CNTFR: variants seen among roughly 807,000 people sequenced by gnomAD.
The protein encoded by CNTFR is ciliary neurotrophic factor receptor.
CNTFR carries 12 observed loss-of-function variants against 40.4 expected under a neutral mutation model. That is an observed-to-expected ratio of 0.30 (90% CI 0.19 to 0.48). The LOEUF is 0.48. Among genes scored for constraint, CNTFR ranks in the 20% least tolerant of loss-of-function variants. The pLI, the probability that CNTFR is intolerant of heterozygous loss-of-function variation, is 0.99. For missense variants in CNTFR, 414 were observed against 506.8 expected (o/e 0.82, Z 1.76); for synonymous variants, 202 against 209.6 (o/e 0.96, Z 0.31).
chr9:34,559,807 C>T (rs1000740288), intron 4 of CNTFR, among the ~76,000 whole-genome samples: 3 of 152,174 alleles, frequency 2.0e-5, no homozygotes, highest in Admixed American at 1.3e-4. Context: ...CCTGCTGCCC[C>T]GGACTCCTCG....
At chr9:34,568,753 A>T (rs556090080) in intron 3 of CNTFR, 144 bp downstream of exon 3, 2 of 711,124 alleles carry the variant, frequency 2.8e-6, no homozygotes, top group South Asian at 3.4e-5. Context: ...TATCAGTGTC[A>T]CATGACTCCA....
chr9:34,562,833 C>T lies in CNTFR; in HGVS notation c.319+1766G>A, dbSNP rs73486519. 5.0e-3 allele frequency among the ~76,000 whole-genome samples: 767 copies of T among 152,214 alleles called. 7 individuals carry two copies. The highest frequency in any genetic ancestry group is 0.018 in the African/African-American group (731 of 41,528). Reference sequence around the variant, plus strand: ...ACCTCACCCTCAGCAATGGTGATGGCCTTGTCATTCTGACTTCTCAAAATC... The same window carrying T: ...ACCTCACCCTCAGCAATGGTGATGGTCTTGTCATTCTGACTTCTCAAAATC... On this transcript the variant is annotated intron_variant, in intron 4 of 9. Coordinates refer to ENST00000378980, the MANE Select transcript of CNTFR (RefSeq NM_147164.3).
chr9:34,555,951 A>ATCTCCCTCCCCCG (rs1825818722), intron 7 of CNTFR, among the ~76,000 whole-genome samples: 1 of 23,194 alleles, frequency 4.3e-5, no homozygotes, highest in African/African-American at 1.8e-4. Context: ...TCCCTCCCCC[A>ATCTCCCTCCCCCG]CCATCTCCCT....
chr9:34,581,514 A>G (rs1395556490), intron 1 of CNTFR, among the ~76,000 whole-genome samples: 1 of 152,232 alleles, frequency 6.6e-6, no homozygotes, highest in African/African-American at 2.4e-5. Context: ...AGGCACCTCC[A>G]TATCACATGC....
chr9:34,554,223 G>T (rs1051565408), intron 7 of CNTFR, among the ~76,000 whole-genome samples: 1 of 152,120 alleles, frequency 6.6e-6, no homozygotes, highest in Admixed American at 6.5e-5. Context: ...CTTTCTGCTC[G>T]GCAAAGATAC....
chr9:34,567,456 G>A lies in CNTFR; in HGVS notation c.85+1441C>T, dbSNP rs143236680. ...ACCCCTAAAGAAGAAGGACATGCAG[G>A]ACAGTCATCCACAAGGCCACAGTCA... is the stretch of plus-strand genomic sequence containing the variant. On this transcript the variant is annotated intron_variant, in intron 3 of 9. Coordinates refer to ENST00000378980, the MANE Select transcript of CNTFR (RefSeq NM_147164.3). 2.9e-3 allele frequency among the ~76,000 whole-genome samples: 441 copies of A among 152,180 alleles called. 1 individual carries two copies. The highest frequency in any genetic ancestry group is 4.3e-3 in the Non-Finnish European group (291 of 68,016).
chr9:34,557,721 T>TA lies in CNTFR; in HGVS notation c.438-30dup, dbSNP rs929341175. 6.2e-6 allele frequency: 10 copies of TA among 1,613,556 alleles called. No homozygotes were observed. The African/African-American group carries it at 1.2e-4, about 19-fold the overall frequency. Reference sequence around the variant, plus strand: ...GGGAGAGGTGAGACCCAGGCACTGTTACGAACATCAAGGGTCAGGTGGGGC... The same window carrying TA: ...GGGAGAGGTGAGACCCAGGCACTGTTAACGAACATCAAGGGTCAGGTGGGGC... On this transcript the variant is annotated intron_variant, in intron 5 of 9. Transcript: ENST00000378980. This position sits in a 1 kb window ranked among gnomAD's most constrained non-coding sequence, Gnocchi z 4.2.
chr9:34,572,826 G>A (rs994456943), intron 2 of CNTFR, among the ~76,000 whole-genome samples: 5 of 152,150 alleles, frequency 3.3e-5, no homozygotes, highest in African/African-American at 9.7e-5. Context: ...ACCAACAAAC[G>A]GGGCAATGAT....
At chr9:34,556,937 C>A (rs558703566) in intron 6 of CNTFR, among the ~76,000 whole-genome samples, 1 of 152,118 alleles carries the variant, frequency 6.6e-6, no homozygotes, top group Non-Finnish European at 1.5e-5. Flanking sequence ...CTGATGAGCG[C>A]GCCTAAGGGC....
chr9:34,555,292 T>C (rs1825790229), intron 7 of CNTFR, among the ~76,000 whole-genome samples: 1 of 152,088 alleles, frequency 6.6e-6, no homozygotes, highest in African/African-American at 2.4e-5. Flanking sequence ...GGAATCGAAT[T>C]ACACACTTTA....
chr9:34,566,737 T>C (rs181999363), intron 3 of CNTFR, among the ~76,000 whole-genome samples: 189 of 152,240 alleles, frequency 1.2e-3, no homozygotes, highest in African/African-American at 4.4e-3. Flanking sequence ...AACGCTAACG[T>C]GGACCCAGTG....
intron 7 of CNTFR, among the ~76,000 whole-genome samples, chr9:34,553,385 C>T (rs1825713247): frequency 6.6e-6 from 1 of 152,180 alleles, no homozygotes; most frequent in Non-Finnish European, 1.5e-5. Context: ...CATCCTCATG[C>T]CTTGCCATCC....
rs781109774 is a variant in CNTFR, at chr9:34,552,806, C to T, written c.817G>A (p.Gly273Arg). Reference sequence around the variant, plus strand: ...GCCACCTGGATAATGTACTCCTTCCCGGCGTAGGCATCTGTGATGGTGTGT... The same window carrying T: ...GCCACCTGGATAATGTACTCCTTCCTGGCGTAGGCATCTGTGATGGTGTGT... The part of the protein sequence containing the change: ...TAHTITDAYA[G>R]KEYIIQVAAK... Residue 273 changes from glycine to arginine, a missense_variant, in exon 8 of 10, where the codon GGG (glycine) becomes AGG (arginine). Physicochemically the swap from Gly to Arg is moderately radical, Grantham distance 125. Around this residue, in one of 3 missense-constraint regions of CNTFR, gnomAD observed 83 missense variants for 145.0 expected, o/e 0.57. Transcript: ENST00000378980. This position sits in a 1 kb window ranked among gnomAD's most constrained non-coding sequence, Gnocchi z 5.1. 19 of 1,613,512 alleles carry T rather than the reference C, an allele frequency of 1.2e-5. No individual in the cohort carries two copies. In the South Asian group the frequency reaches 1.2e-4, roughly 10 times the overall value.
Position 34,552,945 on chromosome 9 carries a change from G to A in CNTFR, c.769-91C>T. On this transcript the variant is annotated intron_variant, in intron 7 of 9. Coordinates refer to ENST00000378980, the MANE Select transcript of CNTFR (RefSeq NM_147164.3). This position sits in a 1 kb window ranked among gnomAD's most constrained non-coding sequence, Gnocchi z 5.1. ...GAGGAAGTGAGCATGCCTCTGAGGA[G>A]AGGAGAGTAAAGGGCTCTGGGGGCA... 2 of 1,323,878 alleles carry A rather than the reference G, an allele frequency of 1.5e-6. No individual in the cohort carries two copies. The highest frequency in any genetic ancestry group is 1.3e-5 in the South Asian group (1 of 79,620). The allele number at this position is 1,323,878 out of a possible 1,614,324, so 82.0% of individuals were successfully genotyped here. A position where few individuals can be genotyped will look rare whatever the true frequency, so the allele number is the denominator to read the frequency against.
At chr9:34,566,498 G>A (rs915545152) in intron 3 of CNTFR, among the ~76,000 whole-genome samples, 2 of 152,084 alleles carry the variant, frequency 1.3e-5, no homozygotes, top group African/African-American at 4.8e-5. Flanking sequence ...CAAGACTCCG[G>A]CCACTGAGCG....
chr9:34,590,537 C>T (rs1827733576), upstream of CNTFR, among the ~76,000 whole-genome samples: 1 of 152,240 alleles, frequency 6.6e-6, no homozygotes, highest in African/African-American at 2.4e-5. Context: ...GGGGATGGAC[C>T]CTGCCGGGAG....
At chr9:34,566,379 C>T (rs1826293096) in intron 3 of CNTFR, among the ~76,000 whole-genome samples, 2 of 152,188 alleles carry the variant, frequency 1.3e-5, no homozygotes, top group Admixed American at 6.5e-5. Flanking sequence ...ACCAGCCGAA[C>T]AGACGATGAA....
intron 2 of CNTFR, among the ~76,000 whole-genome samples, chr9:34,570,864 G>C (rs1005161873): frequency 5.3e-5 from 8 of 152,168 alleles, no homozygotes; most frequent in African/African-American, 1.9e-4. Context: ...TGAACTTCCT[G>C]GGGCTTCCTG....
chr9:34,552,596 G>C lies in CNTFR; in HGVS notation c.949+78C>G. On this transcript the variant is annotated intron_variant, in intron 8 of 9. Coordinates refer to ENST00000378980, the MANE Select transcript of CNTFR (RefSeq NM_147164.3). The surrounding 1 kb of genome is among the most constrained non-coding windows in gnomAD (Gnocchi z 5.1). ...CCGGGAGCAGAGGCTGGAGGCAGCA[G>C]GGTAGAACCAGGCCACAGGTTCTAC... 6.9e-7 allele frequency: 1 copy of C among 1,456,346 alleles called. No individual in the cohort carries two copies. Among genetic ancestry groups the C allele is most frequent in the Non-Finnish European group, 9.3e-7 (1 of 1,079,052 alleles). The allele number at this position is 1,456,346 out of a possible 1,614,324, so 90.2% of individuals were successfully genotyped here. A position where few individuals can be genotyped will look rare whatever the true frequency, so the allele number is the denominator to read the frequency against.
Sources: allele counts gnomAD v4.1 joint callset (sites outside exome capture counted in the v4.1 genomes callset), GRCh38; gene constraint gnomAD v4.1.1; regional missense constraint gnomAD v4.1.1; non-coding constraint Gnocchi (gnomAD v3.1); transcripts MANE v1.5; gene names NCBI Gene and HGNC (gene_info 2026-07-23, HGNC 2026-07-21).